The following SWT1 variants were observed in gnomAD, a reference collection of about 807,000 sequenced individuals.
The protein encoded by SWT1 is transcriptional protein SWT1.
SWT1 carries 33 observed loss-of-function variants against 107.3 expected under a neutral mutation model. The observed-to-expected ratio is 0.31, with a 90% CI of 0.23 to 0.41. The LOEUF is 0.41. Ranked by LOEUF, SWT1 falls within the 10% of genes least tolerant of loss-of-function variation. SWT1 has a pLI of 1.00. For missense variants in SWT1, 898 were observed against 1,028.9 expected (o/e 0.87, Z 1.74); for synonymous variants, 345 against 348.3 (o/e 0.99, Z 0.11).
At chr1:185,241,265 A>G (rs1428569947) in intron 16 of SWT1, among the ~76,000 whole-genome samples, 1 of 152,148 alleles carries the variant, frequency 6.6e-6, no homozygotes, top group African/African-American at 2.4e-5. Context: ...GCAGTGTGCA[A>G]AATATTCAGC....
intron 17 of SWT1, among the ~76,000 whole-genome samples, chr1:185,273,032 CAA>C (rs577581953): frequency 3.0e-5 from 4 of 135,570 alleles, no homozygotes; most frequent in Non-Finnish European, 4.8e-5. Flanking sequence ...GACCCTGTCT[CAA>C]AAAAAAAAAG....
At chr1:185,202,447 A>G (rs1657959002) in intron 10 of SWT1, among the ~76,000 whole-genome samples, 1 of 151,934 alleles carries the variant, frequency 6.6e-6, no homozygotes, top group Non-Finnish European at 1.5e-5. Flanking sequence ...TGTGAGGATT[A>G]AATAGATTTA....
At chr1:185,236,153 G>A (rs530415424) in intron 16 of SWT1, among the ~76,000 whole-genome samples, 144 of 152,160 alleles carry the variant, frequency 9.5e-4, no homozygotes, top group African/African-American at 2.3e-3. Flanking sequence ...CTGCTATTCC[G>A]ATCAAGCTAC....
Position 185,182,192 on chromosome 1 carries a change from T to C in SWT1, c.1138+135T>C, listed in dbSNP as rs769650330. The stretch of plus-strand genomic sequence containing the variant: ...TGAAATGAATGATAAAGTAATAGTT[T>C]ATTTTTTAGGTACAGGAATTAGATC... On this transcript the variant is annotated intron_variant, in intron 7 of 18. Coordinates refer to ENST00000367500, the MANE Select transcript of SWT1 (RefSeq NM_017673.7). 4.7e-4 allele frequency: 410 copies of C among 865,588 alleles called. 2 individuals are homozygous for C. Among genetic ancestry groups the C allele is most frequent in the Middle Eastern group, 2.5e-3 (7 of 2,766 alleles). The allele number at this position is 865,588 out of a possible 1,614,324, so 53.6% of individuals were successfully genotyped here.
chr1:185,261,584 A>C (rs775888062), intron 16 of SWT1, among the ~76,000 whole-genome samples: 22 of 151,980 alleles, frequency 1.4e-4, no homozygotes, highest in African/African-American at 1.4e-4. Flanking sequence ...ACTGTTTTTC[A>C]TCACAGCTGG....
At chr1:185,289,577 A>G (rs188035419) in intron 18 of SWT1, among the ~76,000 whole-genome samples, 60 of 152,322 alleles carry the variant, frequency 3.9e-4, no homozygotes, top group Non-Finnish European at 5.4e-4. Flanking sequence ...TTGCAGCACC[A>G]TTTACAATAG....
At chr1:185,160,757 A>C in intron 1 of SWT1, 76 bp from the exon 2 acceptor site, 1 of 1,041,786 alleles carries the variant, frequency 9.6e-7, no homozygotes, top group Non-Finnish European at 1.4e-6. Flanking sequence ...CAATCTTTAT[A>C]TAACTGAAAG....
Position 185,175,124 on chromosome 1 carries a change from A to G in SWT1, c.966+11A>G. 2.0e-6 allele frequency: 3 copies of G among 1,492,418 alleles called. No homozygotes were observed. The highest frequency in any genetic ancestry group is 2.7e-6 in the Non-Finnish European group (3 of 1,122,740). The allele number at this position is 1,492,418 out of a possible 1,614,324, so 92.4% of individuals were successfully genotyped here. ...GAAAACCTAACCCAGGTAAGGTAGT[A>G]AAAAATGAAGAATATAGGTTTTAAC... On this transcript the variant is annotated intron_variant, in intron 5 of 18. Transcript: ENST00000367500.
rs1210603506 is a variant in SWT1, at chr1:185,209,734, A to G, written c.1972+2971A>G. ...GAATGATTTATAATCCTTTGGGTAT[A>G]TACCCAGTAATGGGATTGCTGGGTC... On this transcript the variant is annotated intron_variant, in intron 13 of 18. Transcript: ENST00000367500. Among the ~76,000 whole-genome samples the G allele has an allele frequency of 2.0e-5, 3 of 152,352 alleles. No homozygotes were observed. The South Asian group carries it at 6.2e-4, about 32-fold the overall frequency.
At chr1:185,198,151 T>G (rs1657559707) in intron 10 of SWT1, among the ~76,000 whole-genome samples, 1 of 152,216 alleles carries the variant, frequency 6.6e-6, no homozygotes, top group Non-Finnish European at 1.5e-5. Context: ...TTGTTCTGAC[T>G]GGTTTCAAAG....
At chr1:185,253,108 T>C (rs1662174969) in intron 16 of SWT1, among the ~76,000 whole-genome samples, 1 of 140,606 alleles carries the variant, frequency 7.1e-6, no homozygotes, top group East Asian at 2.0e-4. Context: ...TGCGGCGTTA[T>C]TTCTGAGGGC....
intron 16 of SWT1, among the ~76,000 whole-genome samples, chr1:185,239,341 C>T (rs919523028): frequency 1.3e-5 from 2 of 151,930 alleles, no homozygotes; most frequent in Non-Finnish European, 2.9e-5. Context: ...CTTGCTTTTT[C>T]CTTAAAGTTG....
At chr1:185,271,173 T>G (rs1316818231) in intron 16 of SWT1, 150 bp from the exon 17 acceptor site, 1 of 531,686 alleles carries the variant, frequency 1.9e-6, no homozygotes, top group Admixed American at 3.8e-5. Context: ...TTATAATTTT[T>G]AATTGATTTT....
intron 5 of SWT1, 106 bp from the exon 6 acceptor site, chr1:185,180,285 A>G (rs1655911077): frequency 2.3e-6 from 2 of 857,472 alleles, no homozygotes; most frequent in Admixed American, 3.9e-5. Context: ...ATACAGGGCA[A>G]CCCCTAAAGT....
At chr1:185,265,504 A>G (rs1220402472) in intron 16 of SWT1, among the ~76,000 whole-genome samples, 3 of 152,244 alleles carry the variant, frequency 2.0e-5, no homozygotes, top group African/African-American at 7.2e-5. Context: ...ACTTAAATTC[A>G]TCATCAGCAA....
chr1:185,212,692 A>G (rs577715458), intron 13 of SWT1, among the ~76,000 whole-genome samples: 1 of 151,908 alleles, frequency 6.6e-6, no homozygotes, highest in South Asian at 2.1e-4. Context: ...AATCCCAGCT[A>G]CTCGGGAGGC....
At chr1:185,271,249 T>G in intron 16 of SWT1, 74 bp from the exon 17 acceptor site, 1 of 774,924 alleles carries the variant, frequency 1.3e-6, no homozygotes, top group East Asian at 2.5e-5. Context: ...GGGTATGTTT[T>G]GGGAGAAAGT....
intron 17 of SWT1, 143 bp from the exon 18 acceptor site, chr1:185,276,461 C>A: frequency 2.2e-6 from 1 of 459,308 alleles, no homozygotes; most frequent in Non-Finnish European, 4.0e-6. Context: ...ATAGTCGTTG[C>A]ACTTCTTATT....
chr1:185,283,692 C>T (rs1664781056), intron 18 of SWT1, among the ~76,000 whole-genome samples: 1 of 152,174 alleles, frequency 6.6e-6, no homozygotes. Flanking sequence ...ACTTCTGACA[C>T]CAGGCAATCA....
Sources: gnomAD v4.1 joint callset for allele counts (sites outside exome capture counted in the v4.1 genomes callset) on GRCh38, gnomAD v4.1.1 for gene constraint, MANE v1.5 for transcripts, NCBI Gene and HGNC (gene_info 2026-07-23, HGNC 2026-07-21) for gene names.